The following RSPH3 variants were observed in gnomAD, a reference collection of about 807,000 sequenced individuals.
The protein encoded by RSPH3 is radial spoke head protein 3 homolog.
A neutral mutation model predicts 43.8 loss-of-function variants in RSPH3; 21 were observed. That is an observed-to-expected ratio of 0.48 (90% CI 0.34 to 0.69). The LOEUF is 0.69. Among genes scored for constraint, RSPH3 ranks in the 30% least tolerant of loss-of-function variants. RSPH3 has a pLI of 0.01. For missense variants in RSPH3, 487 were observed against 516.0 expected, an observed-to-expected ratio of 0.94 and a Z score of 0.54; for synonymous variants, 173 against 179.8, an observed-to-expected ratio of 0.96 and a Z score of 0.30.
intron 2 of RSPH3, 66 bp downstream of exon 2, chr6:158,993,773 A>G (rs559558942): frequency 1.2e-6 from 1 of 853,738 alleles, no homozygotes; most frequent in South Asian, 1.7e-5. Flanking sequence ...AATTAACACC[A>G]AGAAACTGAT....
At position 158,999,745 on chromosome 6, in the gene RSPH3, T is replaced by C. The variant is rs754969122; in HGVS notation, c.-195A>G. On this transcript the variant is annotated 5_prime_UTR_variant, in exon 1 of 8. Transcript: ENST00000367069. ...GAGGTGGGAGCTATACTGGGCTCGC[T>C]CCCAGCACCACAGAGACCAGCTGCG... The C allele has an allele frequency of 7.4e-6, 12 of 1,611,622 alleles. No individual in the cohort carries two copies. Among genetic ancestry groups the C allele is most frequent in the Non-Finnish European group, 9.3e-6 (11 of 1,178,460 alleles).
the RSPH3 span, among the ~76,000 whole-genome samples, chr6:158,965,803 T>G: frequency 1.3e-5 from 2 of 152,134 alleles, no homozygotes; most frequent in African/African-American, 2.4e-5. Context: ...TTGAATAAAG[T>G]GGCAAGATAA....
At chr6:158,966,232 G>T in the RSPH3 span, among the ~76,000 whole-genome samples, 216 of 152,174 alleles carry the variant, frequency 1.4e-3, no homozygotes, top group African/African-American at 5.0e-3. Context: ...GCTAAATTCA[G>T]TTTGCTAGTA....
chr6:158,994,071 T>C (rs1778509573), intron 1 of RSPH3, 145 bp from the exon 2 acceptor site: 1 of 529,988 alleles, frequency 1.9e-6, no homozygotes, highest in South Asian at 2.8e-5. Flanking sequence ...AATAAGGAGG[T>C]AAATGGATAC....
At chr6:158,987,113 C>T (rs1778257494) in intron 2 of RSPH3, among the ~76,000 whole-genome samples, 1 of 152,136 alleles carries the variant, frequency 6.6e-6, no homozygotes, top group Non-Finnish European at 1.5e-5. Context: ...GTCTATCTCT[C>T]CCTTTAGATC....
chr6:158,978,912 A>G (rs1265726639), intron 6 of RSPH3, among the ~76,000 whole-genome samples: 1 of 152,136 alleles, frequency 6.6e-6, no homozygotes, highest in Non-Finnish European at 1.5e-5. Flanking sequence ...GCAATCTGAG[A>G]TGGATCAGGG....
At chr6:158,994,763 A>G (rs1334407949) in intron 1 of RSPH3, among the ~76,000 whole-genome samples, 1 of 152,250 alleles carries the variant, frequency 6.6e-6, no homozygotes, top group Non-Finnish European at 1.5e-5. Flanking sequence ...AGTTATTTCA[A>G]TTATATATTG....
chr6:158,987,366 G>C (rs150619899), intron 2 of RSPH3, among the ~76,000 whole-genome samples: 1 of 152,154 alleles, frequency 6.6e-6, no homozygotes, highest in African/African-American at 2.4e-5. Flanking sequence ...TGTAGGTGAA[G>C]TGGGTTTCTT....
chr6:158,986,393 T>C lies in RSPH3; in HGVS notation c.233A>G (p.Gln78Arg). Residue 78 changes from glutamine (Q) to arginine (R), a missense_variant, in exon 3 of 8, where the codon CAG becomes CGG. Transcript: ENST00000367069. ...LLGRPDSLEL[Q>R]RQREARKRAL... ...CCTCTTCCTAGCCTCCCGTTGTCTC[T>C]GGAGCTCTAGAGAATCAGGCCGTCC... The C allele has an allele frequency of 6.2e-7, 1 of 1,613,938 alleles. No individual in the cohort carries two copies. The highest frequency in any genetic ancestry group is 1.7e-5 in the Admixed American group (1 of 60,004).
At chr6:158,994,006 G>C (rs1778508108) in intron 1 of RSPH3, 80 bp from the exon 2 acceptor site, 1 of 708,300 alleles carries the variant, frequency 1.4e-6, no homozygotes, top group African/African-American at 1.8e-5. Flanking sequence ...ATAGGATTTA[G>C]ACTAAAATCA....
At chr6:158,995,805 T>C (rs529804212) in intron 1 of RSPH3, among the ~76,000 whole-genome samples, 2 of 152,126 alleles carry the variant, frequency 1.3e-5, no homozygotes, top group African/African-American at 4.8e-5. Context: ...TTCACCGTGT[T>C]AGCCAGGATG....
chr6:158,998,552 G>C (rs4709259), intron 1 of RSPH3, among the ~76,000 whole-genome samples: 17,240 of 149,724 alleles, frequency 0.12, 1,898 homozygotes, highest in East Asian at 0.41. Context: ...AACTGTTCAT[G>C]GATGTAAAAA....
chr6:158,970,399 T>C (rs567850053), downstream of RSPH3, among the ~76,000 whole-genome samples: 4 of 152,312 alleles, frequency 2.6e-5, no homozygotes, highest in Non-Finnish European at 5.9e-5. Context: ...AGTTTATAGC[T>C]CTGTCTTAGC....
At chr6:158,998,598 G>GTAA (rs1458715231) in intron 1 of RSPH3, among the ~76,000 whole-genome samples, 2 of 151,668 alleles carry the variant, frequency 1.3e-5, no homozygotes, top group East Asian at 3.9e-4. Flanking sequence ...GCTCACGCTT[G>GTAA]TAATCCCAGC....
downstream of RSPH3, among the ~76,000 whole-genome samples, chr6:158,968,923 A>G (rs962721323): frequency 5.9e-5 from 9 of 152,168 alleles, no homozygotes; most frequent in Middle Eastern, 3.4e-3. Context: ...GTTGGCCAGG[A>G]TGGTCTCAAT....
intron 2 of RSPH3, among the ~76,000 whole-genome samples, chr6:158,991,030 T>C (rs1386472391): frequency 6.6e-6 from 1 of 152,212 alleles, no homozygotes; most frequent in East Asian, 1.9e-4. Context: ...ATTTTAGTTA[T>C]TGTATTTTTC....
In RSPH3 at chr6:158,977,690, G is replaced by GT. The variant is rs1232233614; in HGVS notation, c.1104dup (p.Arg369ThrfsTer16). 5 of 1,614,054 alleles carry GT rather than the reference G, an allele frequency of 3.1e-6. No homozygotes were observed. The highest frequency in any genetic ancestry group is 4.2e-6 in the Non-Finnish European group (5 of 1,180,010). The stretch of plus-strand genomic sequence containing the variant: ...TAGCCTCCATCTAAAAGCAGCTCCC[G>GT]TGTCTGTGACATGCTCTGCTCCAGG... On this transcript the variant is annotated frameshift_variant, in exon 8 of 8. Coordinates refer to ENST00000367069, the MANE Select transcript of RSPH3 (RefSeq NM_031924.8). LOFTEE classifies it low-confidence loss of function (END_TRUNC).
downstream of RSPH3, among the ~76,000 whole-genome samples, chr6:158,969,022 A>C (rs1284891315): frequency 6.6e-6 from 1 of 152,246 alleles, no homozygotes; most frequent in East Asian, 1.9e-4. Flanking sequence ...TTTATGATGT[A>C]ACTGTCTTTT....
intron 6 of RSPH3, among the ~76,000 whole-genome samples, chr6:158,978,768 T>C (rs1052099920): frequency 2.0e-5 from 3 of 152,144 alleles, no homozygotes; most frequent in African/African-American, 7.2e-5. Flanking sequence ...CTCAATCTCC[T>C]GACATCGTGA....
Sources: allele counts gnomAD v4.1 joint callset (sites outside exome capture counted in the v4.1 genomes callset), GRCh38; gene constraint gnomAD v4.1.1; transcripts MANE v1.5; gene names NCBI Gene and HGNC (gene_info 2026-07-23, HGNC 2026-07-21).